DDX60L: variants seen among roughly 807,000 people sequenced by gnomAD.
DDX60L encodes the protein DExD/H-box 60 like.
DDX60L carries 191 observed loss-of-function variants against 211.6 expected under a neutral mutation model. That is an observed-to-expected ratio of 0.90 (90% CI 0.80 to 1.02). The LOEUF is 1.02. DDX60L is among the 50% of genes least tolerant of loss of function. The probability of loss-of-function intolerance (pLI) is 0.00; values close to 1 mark genes in which losing one functional copy is unlikely to be tolerated. For synonymous variants in DDX60L, 706 were observed against 694.1 expected, an observed-to-expected ratio of 1.02 and a Z score of -0.27; for missense variants, 2,007 against 1,984.1, an observed-to-expected ratio of 1.01 and a Z score of -0.22.
At chr4:168,388,106 A>G (rs1579310034) in intron 29 of DDX60L, among the ~76,000 whole-genome samples, 6 of 152,226 alleles carry the variant, frequency 3.9e-5, no homozygotes, top group Admixed American at 2.6e-4. Context: ...CCCCATGCTA[A>G]TTGCTATTTG....
intron 29 of DDX60L, among the ~76,000 whole-genome samples, chr4:168,390,712 G>T (rs1744659632): frequency 6.6e-6 from 1 of 151,724 alleles, no homozygotes; most frequent in South Asian, 2.1e-4. Flanking sequence ...TCACATATAG[G>T]ATGTCATATA....
chr4:168,411,551 C>A (rs1396324901), intron 22 of DDX60L, among the ~76,000 whole-genome samples: 1 of 152,134 alleles, frequency 6.6e-6, no homozygotes, highest in Non-Finnish European at 1.5e-5. Flanking sequence ...GGAGAACTGC[C>A]CATCCCAGCA....
At chr4:168,430,691 A>G in intron 12 of DDX60L, 53 bp from the exon 13 acceptor site, 1 of 1,350,682 alleles carries the variant, frequency 7.4e-7, no homozygotes, top group Non-Finnish European at 9.9e-7. Context: ...ATTGCTATAT[A>G]TGTGTGCTAC....
intron 15 of DDX60L, 28 bp downstream of exon 15, chr4:168,423,580 A>AAAAGTAT: frequency 6.7e-7 from 1 of 1,482,160 alleles, no homozygotes; most frequent in Non-Finnish European, 9.0e-7. Context: ...GTAAAAATTT[A>AAAAGTAT]AAGTATAAGA....
intron 32 of DDX60L, 62 bp downstream of exon 32, chr4:168,379,301 G>A (rs1392082416): frequency 8.9e-6 from 12 of 1,348,848 alleles, no homozygotes; most frequent in Admixed American, 2.7e-5. Context: ...CATATCTGCG[G>A]TTTTGGCTAT....
chr4:168,377,977 C>T (rs1742273653), intron 33 of DDX60L: 2 of 155,618 alleles, frequency 1.3e-5, no homozygotes, highest in Admixed American at 1.3e-4. Context: ...CTGAAGAGGA[C>T]ATTAGAGGTC....
intron 12 of DDX60L, among the ~76,000 whole-genome samples, 174 bp from the exon 13 acceptor site, chr4:168,430,812 C>T (rs115978897): frequency 0.016 from 2,410 of 152,156 alleles, 28 homozygotes; most frequent in Middle Eastern, 0.031. Flanking sequence ...AGAGAGAGGA[C>T]GAAGCTCTGC....
chr4:168,466,617 T>C (rs1189186136), intron 4 of DDX60L, among the ~76,000 whole-genome samples: 5 of 152,208 alleles, frequency 3.3e-5, no homozygotes, highest in African/African-American at 1.2e-4. Context: ...GTAGAGCAGT[T>C]GCTATTAAGA....
At position 168,420,463 on chromosome 4, in the gene DDX60L, T is replaced by TACACAC. The variant is rs10598232; in HGVS notation, c.2395-89_2395-84dup. 516 of 459,554 alleles carry TACACAC rather than the reference T, an allele frequency of 1.1e-3. 4 individuals carry two copies. The highest frequency in any genetic ancestry group is 0.01 in the African/African-American group (423 of 41,560). The allele number at this position is 459,554 out of a possible 1,614,324, so 28.5% of individuals were successfully genotyped here. A position where few individuals can be genotyped will look rare whatever the true frequency, so the allele number is the denominator to read the frequency against. On this transcript the variant is annotated intron_variant, in intron 17 of 37. Coordinates refer to ENST00000682922, the MANE Select transcript of DDX60L (RefSeq NM_001012967.3). ...TTGAGGACAACCGAATCCATACACATACACACACACACACACACACACACA... is the reference window on the plus strand; with the variant it reads ...TTGAGGACAACCGAATCCATACACATACACACACACACACACACACACACACACACA...
In DDX60L at chr4:168,396,127, ACT is replaced by A; in HGVS notation, c.3492-5_3492-4del. ...CCTTCTTTGGGTTTTTTTTAGTGCTACTATTTAAAAAAAAAAAAAAACTTTTA... is the reference window on the plus strand; with the variant it reads ...CCTTCTTTGGGTTTTTTTTAGTGCTAATTTAAAAAAAAAAAAAAACTTTTA... On this transcript the variant is annotated splice_polypyrimidine_tract_variant and splice_region_variant and intron_variant, in intron 26 of 37. Coordinates refer to ENST00000682922, the MANE Select transcript of DDX60L (RefSeq NM_001012967.3). 1.6e-6 allele frequency: 2 copies of A among 1,278,636 alleles called. No homozygotes were observed. Among genetic ancestry groups the A allele is most frequent in the Non-Finnish European group, 2.1e-6 (2 of 957,768 alleles). 79.2% of individuals were successfully genotyped at this position (1,278,636 alleles called of 1,614,324 possible). A position where few individuals can be genotyped will look rare whatever the true frequency, so the allele number is the denominator to read the frequency against.
Position 168,391,521 on chromosome 4 carries a change from TAA to T in DDX60L, c.3915+17_3915+18del. 2.7e-6 allele frequency: 4 copies of T among 1,493,274 alleles called. No homozygotes were observed. The highest frequency in any genetic ancestry group is 3.7e-6 in the Non-Finnish European group (4 of 1,080,280). 92.5% of individuals were successfully genotyped at this position (1,493,274 alleles called of 1,614,324 possible). Reference sequence around the variant, plus strand: ...AAACTCAGCTTTCAGCAATGGGAGTTAAAGAGTCAGAGAGTTACCTGTCTGTA... The same window carrying T: ...AAACTCAGCTTTCAGCAATGGGAGTTAGAGTCAGAGAGTTACCTGTCTGTA... On this transcript the variant is annotated intron_variant, in intron 29 of 37. Transcript: ENST00000682922.
In DDX60L at chr4:168,404,650, T is replaced by A. The variant is rs1360221218; in HGVS notation, c.3214-544A>T. Among the ~76,000 whole-genome samples, 3 of 152,152 alleles carry A rather than the reference T, an allele frequency of 2.0e-5. No individual in the cohort carries two copies. The East Asian group carries it at 5.8e-4, about 29-fold the overall frequency. On this transcript the variant is annotated intron_variant, in intron 24 of 37. Transcript: ENST00000682922. ...GGCCAATAGAAGTGTAATAAGTTGT[T>A]CACCTCAGATATTGTTGAAATTGTG...
chr4:168,415,059 G>A (rs945002291), intron 22 of DDX60L, among the ~76,000 whole-genome samples: 2 of 151,828 alleles, frequency 1.3e-5, no homozygotes, highest in Non-Finnish European at 2.9e-5. Flanking sequence ...GTCTGATGTG[G>A]TTATTATGCT....
At chr4:168,384,493 A>T in intron 30 of DDX60L, 119 bp downstream of exon 30, 2 of 1,303,476 alleles carry the variant, frequency 1.5e-6, no homozygotes, top group Non-Finnish European at 1.1e-6. Context: ...TCTCCAAAAC[A>T]ATCAAACAAA....
intron 28 of DDX60L, among the ~76,000 whole-genome samples, chr4:168,393,271 T>A (rs1745174786): frequency 6.6e-6 from 1 of 151,980 alleles, no homozygotes; most frequent in South Asian, 2.1e-4. Flanking sequence ...TGAGGTGGGC[T>A]GATTACCTGA....
At chr4:168,471,152 G>A (rs974310407) in intron 4 of DDX60L, among the ~76,000 whole-genome samples, 13 of 152,086 alleles carry the variant, frequency 8.5e-5, no homozygotes, top group Admixed American at 4.6e-4. Flanking sequence ...AATAAGTACC[G>A]AACTCTAGTT....
chr4:168,385,146 C>A (rs1460485565), intron 29 of DDX60L, among the ~76,000 whole-genome samples: 1 of 152,194 alleles, frequency 6.6e-6, no homozygotes, highest in African/African-American at 2.4e-5. Flanking sequence ...CCAGAAAGAC[C>A]AAGGCATGAT....
rs1747686696 is a variant in DDX60L, at chr4:168,405,992, C to CT, written c.3170dup (p.Ala1058GlyfsTer8). 6 of 1,597,218 alleles carry CT rather than the reference C, an allele frequency of 3.8e-6. No individual in the cohort carries two copies. The highest frequency in any genetic ancestry group is 5.1e-6 in the Non-Finnish European group (6 of 1,172,822). ...TTTTAATCCAATTTGTCAATTCTGC[C>CT]TTTAAGTTTTCTTCATATTTTCTAG... On this transcript the variant is annotated frameshift_variant, in exon 24 of 38. Coordinates refer to ENST00000682922, the MANE Select transcript of DDX60L (RefSeq NM_001012967.3). LOFTEE classifies it high-confidence loss of function.
At chr4:168,420,133 T>A in intron 18 of DDX60L, 128 bp downstream of exon 18, 1 of 848,082 alleles carries the variant, frequency 1.2e-6, no homozygotes, top group Non-Finnish European at 1.7e-6. Flanking sequence ...TTAGAGCAAT[T>A]TCATTTTCTT....
Sources: gnomAD v4.1 joint callset for allele counts (sites outside exome capture counted in the v4.1 genomes callset) on GRCh38, gnomAD v4.1.1 for gene constraint, MANE v1.5 for transcripts, NCBI Gene and HGNC (gene_info 2026-07-23, HGNC 2026-07-21) for gene names.